The following HSD17B12 variants were observed in gnomAD, a reference collection of about 807,000 sequenced individuals.
HSD17B12 encodes the protein very-long-chain 3-oxoacyl-CoA reductase.
In HSD17B12, 32 loss-of-function variants were observed where a neutral mutation model predicts 39.3. The ratio of observed to expected loss-of-function variants is 0.81; its 90% CI spans 0.61 to 1.09. HSD17B12 has a LOEUF of 1.09. Ranked by LOEUF, HSD17B12 falls within the 50% of genes least tolerant of loss-of-function variation. The probability of loss-of-function intolerance (pLI) is 0.00; values close to 1 mark genes in which losing one functional copy is unlikely to be tolerated. For synonymous variants in HSD17B12, 150 were observed against 146.7 expected, an observed-to-expected ratio of 1.02 and a Z score of -0.16; for missense variants, 342 against 382.9, an observed-to-expected ratio of 0.89 and a Z score of 0.89.
chr11:43,639,610 A>T, the HSD17B12 span, among the ~76,000 whole-genome samples: 1 of 152,120 alleles, frequency 6.6e-6, no homozygotes, highest in African/African-American at 2.4e-5. Flanking sequence ...CTATCCATAG[A>T]AGGAACCTCT....
At chr11:43,718,897 TG>T in intron 1 of HSD17B12, 1 of 934,358 alleles carries the variant, frequency 1.1e-6, no homozygotes, top group Non-Finnish European at 1.7e-6. Context: ...TTGACCACTA[TG>T]CTGTCATCAA....
chr11:43,822,061 A>G (rs1565101617), intron 6 of HSD17B12, among the ~76,000 whole-genome samples: 1 of 152,102 alleles, frequency 6.6e-6, no homozygotes, highest in African/African-American at 2.4e-5. Flanking sequence ...AAGCTAGACA[A>G]TGGCCCTGCC....
chr11:43,765,804 T>A (rs1950590208), intron 3 of HSD17B12, among the ~76,000 whole-genome samples: 1 of 152,256 alleles, frequency 6.6e-6, no homozygotes, highest in Non-Finnish European at 1.5e-5. Flanking sequence ...TTTCTCTCTG[T>A]ATTAAAATTT....
intron 3 of HSD17B12, among the ~76,000 whole-genome samples, chr11:43,775,418 G>A (rs1650640159): frequency 1.3e-5 from 2 of 152,100 alleles, no homozygotes; most frequent in South Asian, 2.1e-4. Flanking sequence ...CAACTACAGA[G>A]CGTGCTGTCG....
chr11:43,627,408 A>G, the HSD17B12 span, among the ~76,000 whole-genome samples: 1 of 151,962 alleles, frequency 6.6e-6, no homozygotes, highest in Non-Finnish European at 1.5e-5. Context: ...ATTACTGCTT[A>G]CTATTATTCA....
chr11:43,654,188 G>A, the HSD17B12 span, among the ~76,000 whole-genome samples: 2 of 152,168 alleles, frequency 1.3e-5, no homozygotes, highest in African/African-American at 4.8e-5. Context: ...CTGCATAAAT[G>A]TCTTCTTTTG....
chr11:43,759,770 C>T (rs938655256), intron 3 of HSD17B12, among the ~76,000 whole-genome samples: 3 of 151,986 alleles, frequency 2.0e-5, no homozygotes, highest in Non-Finnish European at 4.4e-5. Context: ...CTTTGTCACG[C>T]AGGCTGGAAT....
At chr11:43,640,363 C>G in the HSD17B12 span, among the ~76,000 whole-genome samples, 2 of 151,894 alleles carry the variant, frequency 1.3e-5, no homozygotes, top group East Asian at 1.9e-4. Context: ...GAATGTAAAC[C>G]TGCATTAAAA....
At chr11:43,830,750 G>A in intron 6 of HSD17B12, 2 of 339,346 alleles carry the variant, frequency 5.9e-6, no homozygotes, top group South Asian at 1.8e-4. Context: ...TTTTAGCCAG[G>A]TTCATTAAAG....
chr11:43,700,285 C>T (rs562747546), intron 1 of HSD17B12, among the ~76,000 whole-genome samples: 1 of 152,112 alleles, frequency 6.6e-6, no homozygotes, highest in South Asian at 2.1e-4. Flanking sequence ...TATTTTGATA[C>T]AGGCATGCAA....
chr11:43,689,897 C>T (rs1949836713), intron 1 of HSD17B12, among the ~76,000 whole-genome samples: 1 of 151,982 alleles, frequency 6.6e-6, no homozygotes, highest in Admixed American at 6.6e-5. Context: ...GACCTCTGAC[C>T]TCATCTCCAC....
At chr11:43,715,263 G>C (rs1950110298) in intron 1 of HSD17B12, among the ~76,000 whole-genome samples, 2 of 152,060 alleles carry the variant, frequency 1.3e-5, no homozygotes, top group African/African-American at 2.4e-5. Flanking sequence ...CTGTGGGTTT[G>C]TCATAAATAG....
chr11:43,793,371 A>G (rs1950886824), intron 3 of HSD17B12, among the ~76,000 whole-genome samples: 1 of 152,196 alleles, frequency 6.6e-6, no homozygotes. Flanking sequence ...CAACATATAT[A>G]TTTTGGTTTT....
intron 3 of HSD17B12, among the ~76,000 whole-genome samples, chr11:43,771,007 A>T (rs1048163810): frequency 6.6e-6 from 1 of 152,252 alleles, no homozygotes; most frequent in Non-Finnish European, 1.5e-5. Context: ...AACTTCGGAC[A>T]TAGGAAAATC....
chr11:43,588,856 G>A, the HSD17B12 span, among the ~76,000 whole-genome samples: 16 of 151,738 alleles, frequency 1.1e-4, no homozygotes, highest in Non-Finnish European at 2.2e-4. Context: ...TCTACTTTAT[G>A]TGTCCCTACA....
At chr11:43,669,849 G>A in the HSD17B12 span, among the ~76,000 whole-genome samples, 1 of 152,144 alleles carries the variant, frequency 6.6e-6, no homozygotes, top group Non-Finnish European at 1.5e-5. Context: ...ATAAGGCCAA[G>A]GTCACAGGTT....
At chr11:43,633,210 G>T in the HSD17B12 span, among the ~76,000 whole-genome samples, 15 of 152,122 alleles carry the variant, frequency 9.9e-5, no homozygotes, top group Non-Finnish European at 2.9e-5. Context: ...AACTAGCTCA[G>T]TCACATGTAA....
chr11:43,697,877 T>G (rs1949926415), intron 1 of HSD17B12, among the ~76,000 whole-genome samples: 1 of 152,138 alleles, frequency 6.6e-6, no homozygotes, highest in Non-Finnish European at 1.5e-5. Flanking sequence ...CAGTAAGAGT[T>G]TGTTTATCCT....
the HSD17B12 span, among the ~76,000 whole-genome samples, chr11:43,564,898 CTTTTTTTTT>C: frequency 5.7e-5 from 8 of 140,592 alleles, no homozygotes; most frequent in East Asian, 2.0e-4. Flanking sequence ...CTTTCTTCTT[CTTTTTTTTT>C]TTTTTTTTTT....
Sources: gnomAD v4.1 joint callset for allele counts (sites outside exome capture counted in the v4.1 genomes callset) on GRCh38, gnomAD v4.1.1 for gene constraint, MANE v1.5 for transcripts, NCBI Gene and HGNC (gene_info 2026-07-23, HGNC 2026-07-21) for gene names.